Variants in FOXK2 observed in about 807,000 individuals in gnomAD.
FOXK2 encodes forkhead box K2.
In FOXK2, 24 loss-of-function variants were observed where a neutral mutation model predicts 53.3. The observed-to-expected ratio is 0.45, with a 90% confidence interval of 0.33 to 0.63. FOXK2 has a LOEUF of 0.63. FOXK2 is among the 30% of genes least tolerant of loss of function. The probability of loss-of-function intolerance (pLI) is 0.03; values close to 1 mark genes in which losing one functional copy is unlikely to be tolerated. For synonymous variants in FOXK2, 505 were observed against 407.1 expected (o/e 1.24, Z -2.89); for missense variants, 952 against 910.5 (o/e 1.05, Z -0.59).
At chr17:82,521,827 C>T (rs1471201205) in intron 1 of FOXK2, among the ~76,000 whole-genome samples, 1 of 150,736 alleles carries the variant, frequency 6.6e-6, no homozygotes, top group Non-Finnish European at 1.5e-5. Flanking sequence ...GTAGTCCCAG[C>T]TACTCAGGAG....
intron 1 of FOXK2, among the ~76,000 whole-genome samples, chr17:82,557,585 C>G (rs1404554813): frequency 6.6e-6 from 1 of 152,142 alleles, no homozygotes; most frequent in Non-Finnish European, 1.5e-5. Flanking sequence ...CTCTGGTGAT[C>G]CACCTGCCTT....
intron 1 of FOXK2, among the ~76,000 whole-genome samples, chr17:82,553,889 A>G (rs1019638236): frequency 5.3e-5 from 8 of 151,962 alleles, no homozygotes; most frequent in African/African-American, 1.9e-4. Context: ...GCTGGAGGGC[A>G]GTGGCGTGAT....
Position 82,520,141 on chromosome 17 carries a change from C to A in FOXK2, c.253C>A (p.Pro85Thr). ...ISRRHLEIFTPPGGGGHGGAA... is the reference protein window; with the variant it reads ...ISRRHLEIFTTPGGGGHGGAA... The stretch of plus-strand genomic sequence containing the variant: ...CCGGCGCCACCTCGAGATCTTCACG[C>A]CCCCGGGCGGCGGCGGCCATGGCGG... The change falls in exon 1 of 9, where the codon CCC becomes ACC. Residue 85 changes from proline to threonine, a missense_variant. By Grantham distance (38) the Pro-to-Thr change is conservative. This residue lies in a region of FOXK2 where 163 missense variants were observed against 165.5 expected (regional missense o/e 0.98). Coordinates refer to ENST00000335255, the MANE Select transcript of FOXK2 (RefSeq NM_004514.4). 16 of 1,526,640 alleles carry A rather than the reference C, an allele frequency of 1.0e-5. No individual in the cohort carries two copies. Among genetic ancestry groups the A allele is most frequent in the Non-Finnish European group, 1.4e-5 (16 of 1,137,054 alleles). The allele number at this position is 1,526,640 out of a possible 1,614,324, so 94.6% of individuals were successfully genotyped here. A position where few individuals can be genotyped will look rare whatever the true frequency, so the allele number is the denominator to read the frequency against.
intron 4 of FOXK2, among the ~76,000 whole-genome samples, chr17:82,581,955 A>T (rs910059098): frequency 6.6e-6 from 1 of 152,166 alleles, no homozygotes; most frequent in Non-Finnish European, 1.5e-5. Context: ...TCAGAGTTCA[A>T]ATAAAAAAAC....
At chr17:82,597,822 G>A (rs2045332285) in intron 8 of FOXK2, among the ~76,000 whole-genome samples, 1 of 152,068 alleles carries the variant, frequency 6.6e-6, no homozygotes, top group Admixed American at 6.5e-5. Context: ...GGCTAATTTT[G>A]TATTTTTAGT....
chr17:82,542,363 C>A (rs2044583127), intron 1 of FOXK2, among the ~76,000 whole-genome samples: 1 of 152,082 alleles, frequency 6.6e-6, no homozygotes, highest in South Asian at 2.1e-4. Flanking sequence ...CGGGATTTCA[C>A]CATGTTGGCC....
intron 1 of FOXK2, among the ~76,000 whole-genome samples, chr17:82,523,317 G>T (rs9910991): frequency 1.3e-5 from 2 of 151,860 alleles, no homozygotes; most frequent in African/African-American, 4.8e-5. Context: ...GCATTTGTGC[G>T]GTGTGAATTA....
In FOXK2 at chr17:82,573,558, T is replaced by TCACA. The variant is rs1263537053; in HGVS notation, c.909+1689_909+1690insACAC. Among the ~76,000 whole-genome samples, 138 of 90,712 alleles carry TCACA rather than the reference T, an allele frequency of 1.5e-3. 1 individual carries two copies. Among genetic ancestry groups the TCACA allele is most frequent in the African/African-American group, 4.4e-3 (97 of 21,964 alleles). 59.5% of individuals were successfully genotyped at this position (90,712 alleles called of 152,430 possible). ...CACACTCTCTCTCTCTCTCTCTCTCTCTCTCACACACACACACACACACAC... is the reference window on the plus strand; with the variant it reads ...CACACTCTCTCTCTCTCTCTCTCTCTCACACTCTCACACACACACACACACACAC... On this transcript the variant is annotated intron_variant, in intron 4 of 8. Transcript: ENST00000335255.
At chr17:82,597,550 A>C (rs1331298825) in intron 8 of FOXK2, among the ~76,000 whole-genome samples, 2 of 152,156 alleles carry the variant, frequency 1.3e-5, no homozygotes, top group Non-Finnish European at 2.9e-5. Context: ...CTGCTGTTAC[A>C]GGGCTCCATG....
intron 8 of FOXK2, among the ~76,000 whole-genome samples, chr17:82,591,782 G>A (rs754172982): frequency 5.3e-5 from 8 of 152,164 alleles, no homozygotes; most frequent in Non-Finnish European, 1.0e-4. Flanking sequence ...TGCGGGTGCC[G>A]CCGTCCACAC....
intron 1 of FOXK2, among the ~76,000 whole-genome samples, chr17:82,547,118 C>G (rs980772449): frequency 6.6e-6 from 1 of 151,542 alleles, no homozygotes; most frequent in Non-Finnish European, 1.5e-5. Flanking sequence ...AAAGAATACA[C>G]TGATCTCTCT....
chr17:82,525,631 A>G (rs1474951271), intron 1 of FOXK2, among the ~76,000 whole-genome samples: 1 of 152,226 alleles, frequency 6.6e-6, no homozygotes. Context: ...ATGAATAAAA[A>G]TAGGCAACTC....
chr17:82,588,712 A>C (rs1457264817), intron 8 of FOXK2, among the ~76,000 whole-genome samples: 1 of 152,084 alleles, frequency 6.6e-6, no homozygotes, highest in African/African-American at 2.4e-5. Context: ...CCTCCGGTGC[A>C]GGTCAGAGGC....
At chr17:82,594,610 TC>T (rs1394657197) in intron 8 of FOXK2, among the ~76,000 whole-genome samples, 2 of 152,106 alleles carry the variant, frequency 1.3e-5, no homozygotes, top group Non-Finnish European at 2.9e-5. Flanking sequence ...TCCGCAGTCA[TC>T]TTTCCAAAAG....
In FOXK2 at chr17:82,586,057, C is replaced by T; in HGVS notation, c.1433C>T (p.Pro478Leu). ...VQTVHVVHQI[P>L]AVSVTSVAGL... ...ACGGTTCACGTCGTCCACCAGATCC[C>T]AGCGGTGTCGGTCACCAGTGTGGCC... Residue 478 changes from proline to leucine, a missense_variant, in exon 7 of 9, where the codon CCA (proline) becomes CTA (leucine). By Grantham distance (98) the Pro-to-Leu change is moderately conservative (BLOSUM62 -3). Transcript: ENST00000335255. 1 of 1,612,826 alleles carries T rather than the reference C, an allele frequency of 6.2e-7. No homozygotes were observed.
intron 1 of FOXK2, among the ~76,000 whole-genome samples, chr17:82,549,472 C>G (rs2044655744): frequency 6.6e-6 from 1 of 151,858 alleles, no homozygotes; most frequent in South Asian, 2.1e-4. Flanking sequence ...CAAAATTATT[C>G]TCCTTATTAC....
rs2045394015 is a variant in FOXK2, at chr17:82,602,191, C to G, written c.*692C>G. The G allele has an allele frequency of 6.6e-6, 1 of 152,214 alleles. No individual in the cohort carries two copies. Among genetic ancestry groups the G allele is most frequent in the African/African-American group, 2.4e-5 (1 of 41,442 alleles). 9.4% of individuals were successfully genotyped at this position (152,214 alleles called of 1,614,324 possible). On this transcript the variant is annotated 3_prime_UTR_variant, in exon 9 of 9. Coordinates refer to ENST00000335255, the MANE Select transcript of FOXK2 (RefSeq NM_004514.4). The stretch of plus-strand genomic sequence containing the variant: ...TATCCACCTCCATTTCAGCATGTGG[C>G]TCGCGTGGACAGGTGGACGGACGCT...
In FOXK2 at chr17:82,519,949, G is replaced by A. The variant is rs1489090754; in HGVS notation, c.61G>A (p.Gly21Arg). ...CACGCCACCCGCGGGCGGCGGGGCC[G>A]GGGGCGGCGGGGCCGGGGGCGGCGG... Reference protein sequence around the residue: ...AGTPPAGGGAGGGGAGGGGSP... With the variant: ...AGTPPAGGGARGGGAGGGGSP... Residue 21 changes from glycine (G) to arginine (R), a missense_variant, in exon 1 of 9, where the codon GGG becomes AGG. Physicochemically the swap from Gly to Arg is moderately radical, Grantham distance 125. This residue lies in a region of FOXK2 where 163 missense variants were observed against 165.5 expected (regional missense o/e 0.98). Transcript: ENST00000335255. 1 of 835,342 alleles carries A rather than the reference G, an allele frequency of 1.2e-6. No individual in the cohort carries two copies. 51.7% of individuals were successfully genotyped at this position (835,342 alleles called of 1,614,324 possible).
intron 1 of FOXK2, among the ~76,000 whole-genome samples, chr17:82,539,717 C>T (rs1170364912): frequency 6.6e-6 from 1 of 151,856 alleles, no homozygotes; most frequent in Non-Finnish European, 1.5e-5. Context: ...GTAATCTCAA[C>T]ACTTTGGGAG....
Sources: allele counts gnomAD v4.1 joint callset (sites outside exome capture counted in the v4.1 genomes callset), GRCh38; gene constraint gnomAD v4.1.1; regional missense constraint gnomAD v4.1.1; transcripts MANE v1.5; gene names NCBI Gene and HGNC (gene_info 2026-07-23, HGNC 2026-07-21).